The following ATM variants were observed in gnomAD, a reference collection of about 807,000 sequenced individuals.
The protein encoded by ATM is ATM serine/threonine kinase.
ATM carries 308 observed loss-of-function variants against 387.0 expected under a neutral mutation model. The observed-to-expected ratio is 0.80, with a 90% CI of 0.73 to 0.87. The LOEUF is 0.87. Among genes scored for constraint, ATM ranks in the 40% least tolerant of loss-of-function variants. ATM has a pLI of 0.00. For synonymous variants in ATM, 1,156 were observed against 1,187.3 expected (o/e 0.97, Z 0.54); for missense variants, 3,312 against 3,560.9 (o/e 0.93, Z 1.78).
At chr11:108,280,968 A>T (rs1453731322) in intron 23 of ATM, 27 bp from the exon 24 acceptor site, 12 of 1,523,802 alleles carry the variant, frequency 7.9e-6, no homozygotes, top group Non-Finnish European at 1.1e-5. Flanking sequence ...ATTTTACATT[A>T]CATTTTTTTT....
At chr11:108,275,147 T>C (rs1347596738) in intron 22 of ATM, among the ~76,000 whole-genome samples, 1 of 152,198 alleles carries the variant, frequency 6.6e-6, no homozygotes, top group East Asian at 1.9e-4. Context: ...TCTTGATCTT[T>C]GTTGGATGTT....
intron 5 of ATM, 104 bp downstream of exon 5, chr11:108,235,938 C>G (rs898769546): frequency 9.7e-6 from 12 of 1,237,228 alleles, no homozygotes; most frequent in Non-Finnish European, 1.3e-5. Context: ...AGTGACCTGA[C>G]AGTTTAACAG....
rs1555126153 is a variant in ATM at position 108,333,883 on chromosome 11, C to T, written c.7928-3C>T. On this transcript the variant is annotated splice_region_variant and splice_polypyrimidine_tract_variant and intron_variant, in intron 53 of 62. Coordinates refer to ENST00000675843, the MANE Select transcript of ATM (RefSeq NM_000051.4). ...ACTAAAATCTCTTCATTTTTAAATA[C>T]AGAAGGCATAAATATTCCAGCAGAC... 6 of 1,598,090 alleles carry T rather than the reference C, an allele frequency of 3.8e-6. No homozygotes were observed. Among genetic ancestry groups the T allele is most frequent in the Non-Finnish European group, 4.3e-6 (5 of 1,165,566 alleles).
rs974003405 is a variant in ATM, at chr11:108,362,560, C to A, written c.8851-2522C>A. ...ACTTGGAACCAACCCAAATGTCCAA[C>A]AATGATAGACTGGATTAAGAAAATG... On this transcript the variant is annotated intron_variant, in intron 61 of 62. Coordinates refer to ENST00000675843, the MANE Select transcript of ATM (RefSeq NM_000051.4). 6.0e-4 allele frequency among the ~76,000 whole-genome samples: 89 copies of A among 149,472 alleles called. 1 individual carries two copies. Among genetic ancestry groups the A allele is most frequent in the African/African-American group, 1.9e-3 (78 of 40,550 alleles).
At chr11:108,303,451 G>A (rs533592779) in intron 36 of ATM, among the ~76,000 whole-genome samples, 1 of 152,012 alleles carries the variant, frequency 6.6e-6, no homozygotes, top group Non-Finnish European at 1.5e-5. Context: ...TCAACGAAGA[G>A]TAAAGGTACA....
At chr11:108,357,260 G>A (rs1184198072) in intron 61 of ATM, among the ~76,000 whole-genome samples, 7 of 152,220 alleles carry the variant, frequency 4.6e-5, no homozygotes, top group African/African-American at 7.2e-5. Flanking sequence ...GGCGCACCAC[G>A]AGATTATATC....
chr11:108,248,179 T>TTGTATGGA (rs2079948248), intron 8 of ATM, among the ~76,000 whole-genome samples: 1 of 152,226 alleles, frequency 6.6e-6, no homozygotes, highest in African/African-American at 2.4e-5. Flanking sequence ...ATACTCCATT[T>TTGTATGGA]TACTTACCCA....
chr11:108,331,756 C>A, intron 51 of ATM, 123 bp from the exon 52 acceptor site: 1 of 1,311,982 alleles, frequency 7.6e-7, no homozygotes, highest in South Asian at 1.3e-5. Context: ...CACATGCAGG[C>A]ATACACGCTC....
At chr11:108,254,665 A>G (rs1388513116) in intron 13 of ATM, among the ~76,000 whole-genome samples, 1 of 152,022 alleles carries the variant, frequency 6.6e-6, no homozygotes, top group Non-Finnish European at 1.5e-5. Flanking sequence ...AAGAATTTTT[A>G]TTTTTGAGAC....
chr11:108,262,207 G>A lies in ATM; in HGVS notation c.2466+3132G>A, dbSNP rs1332540839. Among the ~76,000 whole-genome samples the A allele has an allele frequency of 2.0e-5, 3 of 152,200 alleles. No homozygotes were observed. The East Asian group carries it at 5.8e-4, about 29-fold the overall frequency. On this transcript the variant is annotated intron_variant, in intron 16 of 62. Transcript: ENST00000675843. ...CAGATTCACCAAAGTTGAAATGAAGGAAAACATGTTAAGGGCAGCCAGAGA... is the reference window on the plus strand; with the variant it reads ...CAGATTCACCAAAGTTGAAATGAAGAAAAACATGTTAAGGGCAGCCAGAGA...
Position 108,333,904 on chromosome 11 carries a change from C to T in ATM, c.7946C>T (p.Ala2649Val), listed in dbSNP as rs876660877. 1.9e-6 allele frequency: 3 copies of T among 1,609,840 alleles called. No individual in the cohort carries two copies. Among genetic ancestry groups the T allele is most frequent in the Admixed American group, 1.7e-5 (1 of 59,984 alleles). The change falls in exon 54 of 63, where the codon GCA (alanine) becomes GTA (valine). Residue 2649 changes from alanine (A) to valine (V), a missense_variant. Transcript: ENST00000675843. Reference sequence around the variant, plus strand: ...AATACAGAAGGCATAAATATTCCAGCAGACCAGCCAATTACTAAACTTAAG... The same window carrying T: ...AATACAGAAGGCATAAATATTCCAGTAGACCAGCCAATTACTAAACTTAAG... ...KTQRKGINIP[A>V]DQPITKLKNL...
At chr11:108,299,046 C>T (rs1415283786) in intron 33 of ATM, among the ~76,000 whole-genome samples, 4 of 152,078 alleles carry the variant, frequency 2.6e-5, no homozygotes, top group African/African-American at 9.7e-5. Flanking sequence ...CCACACTCAA[C>T]GGGAGGGAAG....
rs976830058 is a variant in ATM, at chr11:108,310,074, C to T, written c.5763-86C>T. 26 of 1,417,438 alleles carry T rather than the reference C, an allele frequency of 1.8e-5. No individual in the cohort carries two copies. The East Asian group carries it at 4.7e-4, about 25-fold the overall frequency. The allele number at this position is 1,417,438 out of a possible 1,614,324, so 87.8% of individuals were successfully genotyped here. On this transcript the variant is annotated intron_variant, in intron 38 of 62. Coordinates refer to ENST00000675843, the MANE Select transcript of ATM (RefSeq NM_000051.4). ...TTTGTAATTTTCTGTTAAGCAGTCA[C>T]TACCATTGTATTCTATATCAACATG...
At chr11:108,275,153 A>T (rs978940988) in intron 22 of ATM, among the ~76,000 whole-genome samples, 3 of 149,630 alleles carry the variant, frequency 2.0e-5, no homozygotes, top group African/African-American at 4.9e-5. Context: ...TCTTTGTTGG[A>T]TGTTTGTTTT....
At chr11:108,333,851 G>T in intron 53 of ATM, 35 bp from the exon 54 acceptor site, 1 of 1,512,974 alleles carries the variant, frequency 6.6e-7, no homozygotes. Flanking sequence ...CTGTTCCTCA[G>T]TTTGTCACTA....
At chr11:108,272,387 A>T in intron 20 of ATM, 145 bp from the exon 21 acceptor site, 1 of 700,276 alleles carries the variant, frequency 1.4e-6, no homozygotes. Flanking sequence ...TGGCAAGGTG[A>T]GTATGTTGGC....
chr11:108,315,209 A>C (rs1322901941), intron 40 of ATM, among the ~76,000 whole-genome samples: 1 of 152,242 alleles, frequency 6.6e-6, no homozygotes, highest in East Asian at 1.9e-4. Flanking sequence ...CTCACAACAC[A>C]ATAATGCTTA....
At chr11:108,343,152 T>C (rs1490573706) in intron 56 of ATM, 70 bp from the exon 57 acceptor site, 6 of 1,589,256 alleles carry the variant, frequency 3.8e-6, no homozygotes, top group Non-Finnish European at 5.2e-6. Context: ...CTGACTCTGA[T>C]AGCTGAATGA....
intron 9 of ATM, among the ~76,000 whole-genome samples, chr11:108,249,815 T>C (rs190826694): frequency 1.3e-5 from 2 of 152,294 alleles, no homozygotes; most frequent in Admixed American, 1.3e-4. Context: ...GAAAAGCATA[T>C]TGATTTAGAT....
Sources: gnomAD v4.1 joint callset for allele counts (sites outside exome capture counted in the v4.1 genomes callset) on GRCh38, gnomAD v4.1.1 for gene constraint, MANE v1.5 for transcripts, NCBI Gene and HGNC (gene_info 2026-07-23, HGNC 2026-07-21) for gene names.